Variants in CGNL1 observed in about 807,000 individuals in gnomAD.
CGNL1 encodes the protein cingulin-like protein 1.
CGNL1 carries 132 observed loss-of-function variants against 141.2 expected under a neutral mutation model. The ratio of observed to expected loss-of-function variants is 0.93; its 90% CI spans 0.81 to 1.08. CGNL1 has a LOEUF of 1.08. Among genes scored for constraint, CGNL1 ranks in the 50% least tolerant of loss-of-function variants. The pLI, the probability that CGNL1 is intolerant of heterozygous loss-of-function variation, is 0.00. For missense variants in CGNL1, 1,870 were observed against 1,588.6 expected, an observed-to-expected ratio of 1.18 and a Z score of -3.01; for synonymous variants, 690 against 622.1, an observed-to-expected ratio of 1.11 and a Z score of -1.63.
intron 8 of CGNL1, among the ~76,000 whole-genome samples, chr15:57,514,870 T>C (rs1046254388): frequency 3.3e-5 from 5 of 152,216 alleles, no homozygotes; most frequent in Admixed American, 6.5e-5. Context: ...CTTTCCCCCA[T>C]TGAATTGTCT....
chr15:57,452,384 A>G (rs1018268), intron 6 of CGNL1, 95 bp downstream of exon 6: 498,444 of 1,131,382 alleles, frequency 0.44, 111,308 homozygotes, highest in Middle Eastern at 0.5. Flanking sequence ...CAGCCTTCCA[A>G]ATATTTATAA....
intron 7 of CGNL1, among the ~76,000 whole-genome samples, chr15:57,459,686 C>G (rs1162989441): frequency 6.6e-6 from 1 of 152,112 alleles, no homozygotes; most frequent in Non-Finnish European, 1.5e-5. Context: ...AGGGAGGTGA[C>G]AGAAAGGATT....
chr15:57,441,985 G>C (rs1323256925), intron 3 of CGNL1, among the ~76,000 whole-genome samples: 1 of 151,926 alleles, frequency 6.6e-6, no homozygotes, highest in Non-Finnish European at 1.5e-5. Flanking sequence ...GTGTGTGTGA[G>C]AGAGATATAC....
At chr15:57,514,245 G>A (rs1319493007) in intron 8 of CGNL1, among the ~76,000 whole-genome samples, 6 of 152,058 alleles carry the variant, frequency 3.9e-5, no homozygotes, top group Admixed American at 6.6e-5. Context: ...TCTGCCTCCC[G>A]AGTTCAAACA....
chr15:57,433,587 AG>A (rs2063070823), intron 1 of CGNL1, among the ~76,000 whole-genome samples: 1 of 152,190 alleles, frequency 6.6e-6, no homozygotes, highest in Non-Finnish European at 1.5e-5. Context: ...TTGTTACCAT[AG>A]TAGGCCAGAG....
intron 1 of CGNL1, among the ~76,000 whole-genome samples, chr15:57,415,502 CAG>C (rs1387975859): frequency 4.6e-5 from 7 of 152,200 alleles, no homozygotes; most frequent in African/African-American, 7.2e-5. Flanking sequence ...GGCAAGGAGA[CAG>C]AGTCTCCCTA....
At chr15:57,413,258 C>G (rs1191442946) in intron 1 of CGNL1, among the ~76,000 whole-genome samples, 5 of 141,952 alleles carry the variant, frequency 3.5e-5, no homozygotes, top group African/African-American at 1.3e-4. Context: ...TCCCTCCCTC[C>G]ATTCCTCCTT....
intron 1 of CGNL1, among the ~76,000 whole-genome samples, chr15:57,413,166 C>CTTCT (rs371303154): frequency 0.027 from 4,031 of 151,164 alleles, 156 homozygotes; most frequent in African/African-American, 0.084. Context: ...CCTTCTTCTC[C>CTTCT]TTCTTTCTTT....
At chr15:57,436,611 T>A (rs1274199323) in intron 1 of CGNL1, among the ~76,000 whole-genome samples, 5 of 152,106 alleles carry the variant, frequency 3.3e-5, no homozygotes, top group African/African-American at 9.7e-5. Flanking sequence ...TTTATGTGAT[T>A]AAAGAATGAA....
intron 1 of CGNL1, among the ~76,000 whole-genome samples, chr15:57,401,686 G>A (rs759845262): frequency 6.6e-6 from 1 of 152,160 alleles, no homozygotes; most frequent in Non-Finnish European, 1.5e-5. Flanking sequence ...GAACTTAGTA[G>A]CACTCCAAAT....
intron 1 of CGNL1, among the ~76,000 whole-genome samples, chr15:57,388,360 A>C (rs1265046406): frequency 2.0e-5 from 3 of 152,112 alleles, no homozygotes; most frequent in African/African-American, 7.2e-5. Flanking sequence ...TGCTGGACGA[A>C]GACAGGAGGG....
intron 14 of CGNL1, among the ~76,000 whole-genome samples, chr15:57,542,298 G>A (rs2032610448): frequency 6.6e-6 from 1 of 152,186 alleles, no homozygotes; most frequent in South Asian, 2.1e-4. Flanking sequence ...TAGCCACGTT[G>A]GATCCTGGAA....
chr15:57,380,754 A>AG (rs2062415670), intron 1 of CGNL1, among the ~76,000 whole-genome samples: 1 of 152,172 alleles, frequency 6.6e-6, no homozygotes, highest in Admixed American at 6.5e-5. Context: ...TCTACTGAAC[A>AG]GGGGTACTTC....
chr15:57,544,592 G>T lies in CGNL1; in HGVS notation c.3495G>T (p.Glu1165Asp). ...AGCTGGAGGACCGCCTGGAGAGTGA[G>T]GAGAGGTGAGCCGGGCCCACCCACT... is the stretch of plus-strand genomic sequence containing the variant. ...IAELEDRLES[E>D]ERDRANLQLS... The change falls in exon 16 of 19, where the codon GAG (glutamate) becomes GAT (aspartate). Residue 1165 changes from glutamate to aspartate, a missense_variant. Transcript: ENST00000281282. 1 of 1,578,510 alleles carries T rather than the reference G, an allele frequency of 6.3e-7. No homozygotes were observed. The highest frequency in any genetic ancestry group is 1.2e-5 in the South Asian group (1 of 86,500).
chr15:57,544,742 C>G lies in CGNL1; in HGVS notation c.3500+145C>G, dbSNP rs568767177. The G allele has an allele frequency of 6.0e-4, 607 of 1,014,494 alleles. 5 individuals are homozygous for G. The Middle Eastern group carries it at 8.0e-3, about 13-fold the overall frequency. 62.8% of individuals were successfully genotyped at this position (1,014,494 alleles called of 1,614,324 possible). ...AACTACACCCTTACTTTTATTATTT[C>G]CATTTTATAGGTGGGAAAACAGAGA... On this transcript the variant is annotated intron_variant, in intron 16 of 18. Coordinates refer to ENST00000281282, the MANE Select transcript of CGNL1 (RefSeq NM_032866.5).
chr15:57,518,541 C>A, intron 10 of CGNL1, 44 bp downstream of exon 10: 2 of 1,293,982 alleles, frequency 1.5e-6, no homozygotes, highest in Non-Finnish European at 1.1e-6. Flanking sequence ...AAGAAGAATG[C>A]ATAGAGACGC....
chr15:57,430,324 A>T (rs1245953023), intron 1 of CGNL1, among the ~76,000 whole-genome samples: 4 of 152,178 alleles, frequency 2.6e-5, no homozygotes, highest in African/African-American at 9.7e-5. Context: ...AAACTTTCGT[A>T]GCTTAGCTCT....
At chr15:57,451,435 G>A in intron 4 of CGNL1, 65 bp from the exon 5 acceptor site, 1 of 1,120,782 alleles carries the variant, frequency 8.9e-7, no homozygotes, top group East Asian at 2.4e-5. Flanking sequence ...TATTTGGAGG[G>A]GGAAGATAAT....
chr15:57,397,700 G>A (rs1160371131), intron 1 of CGNL1, among the ~76,000 whole-genome samples: 1 of 151,910 alleles, frequency 6.6e-6, no homozygotes, highest in African/African-American at 2.4e-5. Flanking sequence ...CATGTGACGA[G>A]CCTTTTTTCT....
Sources: allele counts gnomAD v4.1 joint callset (sites outside exome capture counted in the v4.1 genomes callset), GRCh38; gene constraint gnomAD v4.1.1; transcripts MANE v1.5; gene names NCBI Gene and HGNC (gene_info 2026-07-23, HGNC 2026-07-21).